C4orf50: variants seen among roughly 807,000 people sequenced by gnomAD.
C4orf50 encodes chromosome 4 open reading frame 50, also known as uncharacterized protein C4orf50.
C4orf50 carries 80 observed loss-of-function variants against 77.2 expected under a neutral mutation model. The ratio of observed to expected loss-of-function variants is 1.04; its 90% CI spans 0.87 to 1.25. C4orf50 has a LOEUF of 1.25. Ranked by LOEUF, C4orf50 falls within the 50% of genes most tolerant of loss-of-function variation. C4orf50 has a pLI of 0.00. For synonymous variants in C4orf50, 532 were observed against 465.3 expected (o/e 1.14, Z -1.84); for missense variants, 1,257 against 1,152.9 (o/e 1.09, Z -1.31).
At chr4:5,948,960 C>CAAAA (rs765201490) in intron 7 of C4orf50, among the ~76,000 whole-genome samples, 1,204 of 86,978 alleles carry the variant, frequency 0.014, 45 homozygotes, top group African/African-American at 0.033. Flanking sequence ...GACTCCATCT[C>CAAAA]AAAAAAAAAA....
In C4orf50 at chr4:5,901,083, G is replaced by C. The variant is rs1437929927; in HGVS notation, c.*2475-2895C>G. On this transcript the variant is annotated intron_variant, in intron 7 of 7. Transcript: ENST00000324058. The surrounding 1 kb of genome is among the most constrained non-coding windows in gnomAD (Gnocchi z 4.4). ...AAGAACAGTGCCTAGCAGTTCATGG[G>C]GAAACGTTGCTATGCCAACTAGCTG... 3 of 152,190 alleles carry C rather than the reference G, an allele frequency of 2.0e-5. No homozygotes were observed. The East Asian group carries it at 5.8e-4, about 29-fold the overall frequency. The allele number at this position is 152,190 out of a possible 1,614,324, so 9.4% of individuals were successfully genotyped here.
At chr4:5,954,091 T>G, downstream of C4orf50, among the ~76,000 whole-genome samples, 1 of 152,184 alleles carries the variant, frequency 6.6e-6, no homozygotes, top group Non-Finnish European at 1.5e-5. The surrounding 1 kb of genome is among the most constrained non-coding windows in gnomAD (Gnocchi z 4.7). Flanking sequence ...GCAGCCAAGC[T>G]AAGAGCTGGC....
chr4:5,952,448 C>T (rs760451271), downstream of C4orf50, among the ~76,000 whole-genome samples: 1 of 152,174 alleles, frequency 6.6e-6, no homozygotes, highest in Non-Finnish European at 1.5e-5. This position sits in a 1 kb window ranked among gnomAD's most constrained non-coding sequence, Gnocchi z 4.4. Context: ...GGGAGCAGGG[C>T]GAAGCGCATG....
chr4:5,956,396 G>A (rs1718960357), downstream of C4orf50, among the ~76,000 whole-genome samples: 1 of 152,216 alleles, frequency 6.6e-6, no homozygotes, highest in South Asian at 2.1e-4. Flanking sequence ...TGGGCCTTGT[G>A]TTGTCCCTGT....
intron 7 of C4orf50, among the ~76,000 whole-genome samples, chr4:5,923,741 C>G (rs557507833): frequency 2.6e-4 from 39 of 152,158 alleles, no homozygotes; most frequent in Non-Finnish European, 2.6e-4. Context: ...TGAGAGTTGT[C>G]ATGGTTAATA....
At chr4:5,945,181 C>G (rs1177500692) in intron 7 of C4orf50, among the ~76,000 whole-genome samples, 1 of 152,214 alleles carries the variant, frequency 6.6e-6, no homozygotes, top group African/African-American at 2.4e-5. Flanking sequence ...CCCCCAGTCC[C>G]CTCTGCATGA....
intron 23 of C4orf50, among the ~76,000 whole-genome samples, chr4:6,012,435 G>A (rs907276265): frequency 3.9e-5 from 6 of 152,062 alleles, no homozygotes; most frequent in African/African-American, 9.7e-5. Context: ...TCTTACTTCC[G>A]GACTCAGCAT....
At chr4:5,934,371 C>A (rs768020780) in intron 7 of C4orf50, among the ~76,000 whole-genome samples, 3 of 152,206 alleles carry the variant, frequency 2.0e-5, no homozygotes, top group Non-Finnish European at 4.4e-5. Flanking sequence ...TTGGAAAACT[C>A]AGCACAGAGT....
At chr4:5,965,589 A>T (rs878145) in intron 32 of C4orf50, among the ~76,000 whole-genome samples, 1 of 152,132 alleles carries the variant, frequency 6.6e-6, no homozygotes, top group African/African-American at 2.4e-5. Context: ...GAGAGGGAAG[A>T]AGACTTGCCT....
chr4:5,948,793 C>CAAA (rs530516177), intron 7 of C4orf50, among the ~76,000 whole-genome samples: 4 of 103,880 alleles, frequency 3.9e-5, no homozygotes, highest in South Asian at 3.0e-4. Flanking sequence ...ACACCATCTC[C>CAAA]AAAAAAAAAA....
intron 29 of C4orf50, among the ~76,000 whole-genome samples, chr4:5,976,770 C>T (rs939542596): frequency 6.6e-6 from 1 of 152,244 alleles, no homozygotes; most frequent in Non-Finnish European, 1.5e-5. Flanking sequence ...TTAGAACAAG[C>T]CCTGGCACCT....
intron 33 of C4orf50, among the ~76,000 whole-genome samples, chr4:5,962,279 A>G (rs1719316857): frequency 6.6e-6 from 1 of 152,214 alleles, no homozygotes; most frequent in African/African-American, 2.4e-5. Context: ...GAAGTCCCCT[A>G]TGGACTTGAA....
chr4:6,014,605 C>T (rs1379836211), intron 23 of C4orf50, among the ~76,000 whole-genome samples: 1 of 152,214 alleles, frequency 6.6e-6, no homozygotes, highest in African/African-American at 2.4e-5. Flanking sequence ...CACATTGCAA[C>T]ATTCACCTGA....
exon 34 of C4orf50, chr4:5,959,393 C>T (rs368880548): frequency 3.0e-5 from 48 of 1,613,988 alleles, no homozygotes; most frequent in African/African-American, 8.0e-5. Context: ...CTAACTCCAG[C>T]GGTGATTTAT....
At chr4:5,979,579 A>G (rs948972641) in intron 29 of C4orf50, among the ~76,000 whole-genome samples, 5 of 152,248 alleles carry the variant, frequency 3.3e-5, no homozygotes, top group Non-Finnish European at 5.9e-5. Flanking sequence ...TAGATGATTA[A>G]GATTTGCAGA....
In C4orf50 at chr4:5,943,316, T is replaced by C. The variant is rs534828697; in HGVS notation, c.*2474+13585A>G. On this transcript the variant is annotated intron_variant, in intron 7 of 7. Transcript: ENST00000324058. ...CATGGTTCTGTTTCTTTGCATTCAC[T>C]TTGAAGCTAAGCCCCTGAGTTTTCC... Among the ~76,000 whole-genome samples the C allele has an allele frequency of 5.6e-4, 85 of 152,336 alleles. 1 individual carries two copies. Among genetic ancestry groups the C allele is most frequent in the African/African-American group, 1.9e-3 (81 of 41,578 alleles).
chr4:5,930,667 G>T (rs923191658), intron 7 of C4orf50, among the ~76,000 whole-genome samples: 1 of 152,192 alleles, frequency 6.6e-6, no homozygotes, highest in African/African-American at 2.4e-5. Context: ...CCCTGGGTGG[G>T]TCTGCTCATC....
intron 7 of C4orf50, among the ~76,000 whole-genome samples, chr4:5,945,046 C>G (rs776945208): frequency 8.5e-5 from 13 of 152,088 alleles, no homozygotes; most frequent in Non-Finnish European, 1.9e-4. Flanking sequence ...CACGCCTGTC[C>G]CCACATTTCC....
At chr4:5,974,294 C>T (rs1720122417) in intron 30 of C4orf50, among the ~76,000 whole-genome samples, 1 of 152,148 alleles carries the variant, frequency 6.6e-6, no homozygotes, top group Non-Finnish European at 1.5e-5. Context: ...ATTATGGCCT[C>T]CATTTAAAGA....
Sources: allele counts gnomAD v4.1 joint callset (sites outside exome capture counted in the v4.1 genomes callset), GRCh38; gene constraint gnomAD v4.1.1; non-coding constraint Gnocchi (gnomAD v3.1); transcripts MANE v1.5; gene names NCBI Gene and HGNC (gene_info 2026-07-23, HGNC 2026-07-21).